DACH2: variants seen among roughly 807,000 people sequenced by gnomAD.
The protein encoded by DACH2 is dachshund homolog 2.
DACH2 carries 17 observed loss-of-function variants against 35.8 expected under a neutral mutation model. The ratio of observed to expected loss-of-function variants is 0.48; its 90% CI spans 0.33 to 0.71. The LOEUF (loss-of-function observed/expected upper bound fraction) is 0.71, where lower values mean the gene tolerates loss of function less well. Among genes scored for constraint, DACH2 ranks in the 30% least tolerant of loss-of-function variants. The probability of loss-of-function intolerance (pLI) is 0.02; values close to 1 mark genes in which losing one functional copy is unlikely to be tolerated. For synonymous variants in DACH2, 195 were observed against 177.3 expected (o/e 1.10, Z -0.79); for missense variants, 469 against 472.7 (o/e 0.99, Z 0.07).
At chrX:86,631,736 A>G (rs1240603912) in intron 3 of DACH2, among the ~76,000 whole-genome samples, 1 of 112,019 alleles carries the variant, frequency 8.9e-6, no homozygotes, top group African/African-American at 3.2e-5. Context: ...ATTTCAAACT[A>G]ATATGATGGG....
chrX:86,330,598 A>G (rs1443590753), intron 1 of DACH2, among the ~76,000 whole-genome samples: 1 of 111,774 alleles, frequency 8.9e-6, no homozygotes. Flanking sequence ...TAATAATTTT[A>G]AAAACAACAC....
In DACH2 at chrX:86,781,066, G is replaced by A. The variant is rs767000034; in HGVS notation, c.1241-31790G>A. On this transcript the variant is annotated intron_variant, in intron 7 of 11. Transcript: ENST00000373125. The stretch of plus-strand genomic sequence containing the variant: ...CATCACGGTTCTCCCACGCATCCCC[G>A]TTCCAAGTTTCAGGGTCCTATTCTT... 4.5e-5 allele frequency among the ~76,000 whole-genome samples: 5 copies of A among 111,493 alleles called. 1 individual carries two copies. The highest frequency in any genetic ancestry group is 9.4e-5 in the Non-Finnish European group (5 of 53,134).
At chrX:86,255,231 C>G (rs1196971841) in intron 1 of DACH2, among the ~76,000 whole-genome samples, 1 of 111,332 alleles carries the variant, frequency 9.0e-6, no homozygotes, top group Non-Finnish European at 1.9e-5. Context: ...CCCGGGAGAA[C>G]AGACAGTGTA....
intron 3 of DACH2, among the ~76,000 whole-genome samples, chrX:86,592,157 G>T (rs1031547040): frequency 7.2e-5 from 8 of 111,498 alleles, no homozygotes; most frequent in African/African-American, 9.8e-5. Flanking sequence ...ATAATTTTGT[G>T]TTTTATATTC....
chrX:86,376,787 T>TTTTA (rs1341904649), intron 1 of DACH2, 37 bp from the exon 2 acceptor site: 1 of 1,114,558 alleles, frequency 9.0e-7, no homozygotes, highest in Admixed American at 2.8e-5. Context: ...AATTAACCAG[T>TTTTA]TTTATTTATT....
At chrX:86,651,264 T>C in intron 4 of DACH2, 97 bp downstream of exon 4, 2 of 915,932 alleles carry the variant, frequency 2.2e-6, no homozygotes, top group East Asian at 3.5e-5. Context: ...ATAATAAGTC[T>C]ACTTTGGTTA....
At chrX:86,446,260 G>C (rs2037272945) in intron 2 of DACH2, among the ~76,000 whole-genome samples, 1 of 98,372 alleles carries the variant, frequency 1.0e-5, no homozygotes, top group Non-Finnish European at 2.0e-5. Context: ...TCAGTTTCTT[G>C]TAAGAAGCAT....
At chrX:86,648,763 C>A (rs764794127) in intron 3 of DACH2, among the ~76,000 whole-genome samples, 1 of 110,163 alleles carries the variant, frequency 9.1e-6, no homozygotes, top group Non-Finnish European at 1.9e-5. Flanking sequence ...TCAATTGTAC[C>A]TCTGTAAAGT....
chrX:86,543,948 C>T (rs973096242), intron 3 of DACH2, among the ~76,000 whole-genome samples: 5 of 109,282 alleles, frequency 4.6e-5, no homozygotes, highest in Admixed American at 3.9e-4. Flanking sequence ...AACTAACCTG[C>T]ACATTGTGCA....
intron 3 of DACH2, among the ~76,000 whole-genome samples, chrX:86,527,609 T>C (rs1296962110): frequency 8.9e-6 from 1 of 112,504 alleles, no homozygotes; most frequent in South Asian, 3.6e-4. Context: ...CTTTCAGACA[T>C]TGGAGTTCTT....
chrX:86,213,881 T>C (rs1218164722), intron 1 of DACH2, among the ~76,000 whole-genome samples: 1 of 111,230 alleles, frequency 9.0e-6, no homozygotes, highest in East Asian at 2.8e-4. Context: ...TCATAATTGT[T>C]CATATTAATA....
intron 1 of DACH2, among the ~76,000 whole-genome samples, chrX:86,320,968 A>G (rs936483409): frequency 6.3e-5 from 7 of 111,585 alleles, no homozygotes; most frequent in African/African-American, 9.8e-5. Context: ...ATTTCTCTGT[A>G]CCCAGGTACT....
intron 3 of DACH2, among the ~76,000 whole-genome samples, chrX:86,583,922 G>A (rs1261465817): frequency 1.8e-5 from 2 of 110,152 alleles, no homozygotes; most frequent in Non-Finnish European, 3.8e-5. Flanking sequence ...TTGGTTATGA[G>A]AGTAATGCCT....
intron 1 of DACH2, among the ~76,000 whole-genome samples, chrX:86,274,322 T>C (rs749818541): frequency 9.0e-6 from 1 of 110,858 alleles, no homozygotes; most frequent in African/African-American, 3.3e-5. Context: ...TTTATGGAAA[T>C]GATTGCAAAA....
intron 3 of DACH2, among the ~76,000 whole-genome samples, chrX:86,635,980 T>C (rs968483076): frequency 1.8e-5 from 2 of 112,127 alleles, no homozygotes; most frequent in African/African-American, 3.2e-5. Flanking sequence ...GATTCAGTGC[T>C]ATTCCTATTA....
chrX:86,517,627 C>T (rs2038490407), intron 3 of DACH2, among the ~76,000 whole-genome samples: 1 of 110,285 alleles, frequency 9.1e-6, no homozygotes, highest in Admixed American at 9.7e-5. Context: ...ACCATGTTAG[C>T]CAGGATGGTC....
intron 7 of DACH2, among the ~76,000 whole-genome samples, chrX:86,784,924 C>A (rs34993322): frequency 0.3 from 32,596 of 109,783 alleles, 3,830 homozygotes; most frequent in Middle Eastern, 0.38. Context: ...GGAGCTAAAC[C>A]CTGAGTACAC....
intron 3 of DACH2, among the ~76,000 whole-genome samples, chrX:86,641,313 C>A (rs921266586): frequency 2.8e-4 from 31 of 111,826 alleles, no homozygotes; most frequent in African/African-American, 1.0e-3. Flanking sequence ...AATGCAGTCA[C>A]AAGTGTCAGC....
intron 3 of DACH2, among the ~76,000 whole-genome samples, chrX:86,568,088 A>C (rs920908099): frequency 1.1e-4 from 12 of 111,858 alleles, no homozygotes; most frequent in Non-Finnish European, 1.9e-4. Context: ...CAATGGTCTG[A>C]CATTCTGTAA....
Sources: allele counts gnomAD v4.1 joint callset (sites outside exome capture counted in the v4.1 genomes callset), GRCh38; gene constraint gnomAD v4.1.1; transcripts MANE v1.5; gene names NCBI Gene and HGNC (gene_info 2026-07-23, HGNC 2026-07-21).